The following HERPUD1 variants were observed in gnomAD, a reference collection of about 807,000 sequenced individuals.
HERPUD1 encodes homocysteine-responsive endoplasmic reticulum-resident ubiquitin-like domain member 1 protein.
Under a neutral mutation model 45.0 loss-of-function variants are expected in HERPUD1, and 17 were observed. The ratio of observed to expected loss-of-function variants is 0.38; its 90% CI spans 0.26 to 0.57. The LOEUF is 0.57. HERPUD1 is among the 20% of genes least tolerant of loss of function. HERPUD1 has a pLI of 0.72. For missense variants in HERPUD1, 420 were observed against 490.5 expected (o/e 0.86, Z 1.36); for synonymous variants, 164 against 177.5 (o/e 0.92, Z 0.61).
Position 56,943,826 on chromosome 16 carries a change from G to A in HERPUD1, c.*536G>A, listed in dbSNP as rs2055931081. On this transcript the variant is annotated 3_prime_UTR_variant, in exon 8 of 8. Transcript: ENST00000439977. Reference sequence around the variant, plus strand: ...TTTAAACTAAGGGGAACTTTGCGGAGGTGAAAACCTTTGCTGGGTTTTCTG... The same window carrying A: ...TTTAAACTAAGGGGAACTTTGCGGAAGTGAAAACCTTTGCTGGGTTTTCTG... 2 of 209,068 alleles carry A rather than the reference G, an allele frequency of 9.6e-6. No homozygotes were observed. Among genetic ancestry groups the A allele is most frequent in the East Asian group, 1.5e-4 (2 of 13,356 alleles). 13.0% of individuals were successfully genotyped at this position (209,068 alleles called of 1,614,324 possible).
chr16:56,935,581 T>A (rs1372282145), intron 3 of HERPUD1, 106 bp downstream of exon 3: 1 of 900,658 alleles, frequency 1.1e-6, no homozygotes, highest in Non-Finnish European at 1.8e-6. Context: ...TATGGTGTTA[T>A]TACCAAGTAA....
At chr16:56,932,414 G>T in intron 1 of HERPUD1, 23 bp downstream of exon 1, 1 of 1,532,918 alleles carries the variant, frequency 6.5e-7, no homozygotes, top group Non-Finnish European at 8.7e-7. Flanking sequence ...CCGACTTCCC[G>T]CCCCTAGGCT....
intron 4 of HERPUD1, 120 bp downstream of exon 4, chr16:56,936,937 CT>C: frequency 9.0e-7 from 1 of 1,113,878 alleles, no homozygotes; most frequent in Non-Finnish European, 1.2e-6. Context: ...CAGAATTTTG[CT>C]TTATAAATAG....
intron 4 of HERPUD1, among the ~76,000 whole-genome samples, chr16:56,938,327 G>T (rs1464224576): frequency 3.9e-5 from 6 of 152,146 alleles, no homozygotes; most frequent in African/African-American, 1.4e-4. Context: ...ACTTTGGGAG[G>T]CCAAGGTGGG....
chr16:56,943,213 A>G lies in HERPUD1; in HGVS notation c.1099A>G (p.Met367Val). 1 of 1,614,122 alleles carries G rather than the reference A, an allele frequency of 6.2e-7. No homozygotes were observed. The highest frequency in any genetic ancestry group is 1.1e-5 in the South Asian group (1 of 91,074). ...LDGEQTSPSF[M>V]STAWLVFKTF... ...TGGCGAGCAGACCAGCCCCTCCTTT[A>G]TGAGCACAGCATGGCTTGTCTTCAA... is the stretch of plus-strand genomic sequence containing the variant. Residue 367 changes from methionine (M) to valine (V), a missense_variant, in exon 8 of 8, where the codon ATG (methionine) becomes GTG (valine). Met to Val is a conservative substitution (Grantham distance 21). Coordinates refer to ENST00000439977, the MANE Select transcript of HERPUD1 (RefSeq NM_014685.4).
Position 56,943,148 on chromosome 16 carries a change from A to G in HERPUD1, c.1034A>G (p.Glu345Gly). ...NLQEGTDPET[E>G]DPNHLPPDRD... ...TAGGAAGGCACTGATCCTGAAACTG[A>G]AGACCCCAACCACCTCCCTCCAGAC... is the stretch of plus-strand genomic sequence containing the variant. The change falls in exon 8 of 8, where the codon GAA becomes GGA. Residue 345 changes from glutamate (E) to glycine (G), a missense_variant. Physicochemically the swap from Glu to Gly is moderately conservative, Grantham distance 98. Coordinates refer to ENST00000439977, the MANE Select transcript of HERPUD1 (RefSeq NM_014685.4). The G allele has an allele frequency of 6.2e-7, 1 of 1,614,138 alleles. No individual in the cohort carries two copies. Among genetic ancestry groups the G allele is most frequent in the Non-Finnish European group, 8.5e-7 (1 of 1,179,974 alleles).
rs770161120 is a variant in HERPUD1, at chr16:56,932,238, C to T, written c.-7C>T. On this transcript the variant is annotated 5_prime_UTR_variant, in exon 1 of 8. Transcript: ENST00000439977. ...CGCAGCGGAGCCCCGACACCGCCGC[C>T]GCCGCCATGGAGTCCGAGACCGAAC... The T allele has an allele frequency of 1.2e-6, 2 of 1,606,052 alleles. No individual in the cohort carries two copies. The highest frequency in any genetic ancestry group is 8.5e-7 in the Non-Finnish European group (1 of 1,179,042).
chr16:56,933,676 C>A (rs1462636024), intron 1 of HERPUD1, among the ~76,000 whole-genome samples: 4 of 152,198 alleles, frequency 2.6e-5, no homozygotes, highest in Non-Finnish European at 4.4e-5. Flanking sequence ...ACATACTTAT[C>A]ATTTGTTTTC....
intron 1 of HERPUD1, among the ~76,000 whole-genome samples, chr16:56,934,446 A>C (rs2055849560): frequency 6.6e-6 from 1 of 152,088 alleles, no homozygotes; most frequent in African/African-American, 2.4e-5. Context: ...AATGTCACCC[A>C]CACGCCATCT....
chr16:56,936,655 C>A (rs765992090), intron 3 of HERPUD1, 32 bp from the exon 4 acceptor site: 7 of 1,573,576 alleles, frequency 4.4e-6, no homozygotes, highest in Non-Finnish European at 5.2e-6. Context: ...GCATCAGCTC[C>A]TTTGTTCTGT....
In HERPUD1 at chr16:56,935,252, G is replaced by A; in HGVS notation, c.165G>A (p.Arg55=). 5 of 1,613,720 alleles carry A rather than the reference G, an allele frequency of 3.1e-6. No individual in the cohort carries two copies. Among genetic ancestry groups the A allele is most frequent in the Non-Finnish European group, 3.4e-6 (4 of 1,179,604 alleles). The change falls in exon 2 of 8, where the codon AGG becomes AGA. Residue 55 remains arginine, a synonymous_variant. Transcript: ENST00000439977. Reference sequence around the variant, plus strand: ...ATGATCAGCGTCCAGAGGACCAGAGGTTAATTTATTCTGGGAAGCTGTTGT... The same window carrying A: ...ATGATCAGCGTCCAGAGGACCAGAGATTAATTTATTCTGGGAAGCTGTTGT... ...YPERPRPEDQ[R]LIYSGKLLLD...
intron 3 of HERPUD1, 24 bp downstream of exon 3, chr16:56,935,499 T>C (rs1464521991): frequency 6.3e-7 from 1 of 1,588,222 alleles, no homozygotes; most frequent in Non-Finnish European, 8.6e-7. Context: ...TTCATGATGG[T>C]AACAATTTGT....
intron 1 of HERPUD1, among the ~76,000 whole-genome samples, chr16:56,932,847 A>G (rs2055838049): frequency 6.6e-6 from 1 of 152,218 alleles, no homozygotes. Context: ...ACCCAGAAGC[A>G]GGACGTGGCT....
In HERPUD1 at chr16:56,939,334, T is replaced by G; in HGVS notation, c.529T>G (p.Tyr177Asp). 1.2e-6 allele frequency: 2 copies of G among 1,614,250 alleles called. No individual in the cohort carries two copies. Among genetic ancestry groups the G allele is most frequent in the Non-Finnish European group, 1.7e-6 (2 of 1,180,044 alleles). The change falls in exon 5 of 8, where the codon TAT becomes GAT. Residue 177 changes from tyrosine to aspartate, a missense_variant. Tyr to Asp is a radical substitution (Grantham distance 160). Coordinates refer to ENST00000439977, the MANE Select transcript of HERPUD1 (RefSeq NM_014685.4). ...WLQLSWFQQI[Y>D]ARQYYMQYLA... Reference sequence around the variant, plus strand: ...TCAGCTTTCCTGGTTCCAGCAGATATATGCACGACAGTACTACATGCAATA... The same window carrying G: ...TCAGCTTTCCTGGTTCCAGCAGATAGATGCACGACAGTACTACATGCAATA...
chr16:56,936,733 A>G lies in HERPUD1; in HGVS notation c.347A>G (p.Tyr116Cys). The G allele has an allele frequency of 1.2e-6, 2 of 1,614,024 alleles. No homozygotes were observed. Among genetic ancestry groups the G allele is most frequent in the Non-Finnish European group, 8.5e-7 (1 of 1,179,930 alleles). The change falls in exon 4 of 8, where the codon TAT (tyrosine) becomes TGT (cysteine). Residue 116 changes from tyrosine to cysteine, a missense_variant. Physicochemically the swap from Tyr to Cys is radical, Grantham distance 194 (BLOSUM62 -2). Transcript: ENST00000439977. ...EEPAGSNRGQ[Y>C]PEDSSSDGLR... ...CCTGCTGGTTCTAATCGGGGACAGT[A>G]TCCTGAGGATTCCTCAAGTGATGGT...
At position 56,943,515 on chromosome 16, in the gene HERPUD1, A is replaced by G; in HGVS notation, c.*225A>G. 1 of 600,598 alleles carries G rather than the reference A, an allele frequency of 1.7e-6. No individual in the cohort carries two copies. The highest frequency in any genetic ancestry group is 3.0e-6 in the Non-Finnish European group (1 of 333,234). 37.2% of individuals were successfully genotyped at this position (600,598 alleles called of 1,614,324 possible). A position where few individuals can be genotyped will look rare whatever the true frequency, so the allele number is the denominator to read the frequency against. On this transcript the variant is annotated 3_prime_UTR_variant, in exon 8 of 8. Transcript: ENST00000439977. ...TCATGTCTTTATTCTGAAGAGCTTT[A>G]ATATATACTCTATGTAGTTTAATAA...
Position 56,939,267 on chromosome 16 carries a change from C to A in HERPUD1, c.462C>A (p.Gly154=). Residue 154 remains glycine (G), a synonymous_variant, in exon 5 of 8, where the codon GGC becomes GGA. Coordinates refer to ENST00000439977, the MANE Select transcript of HERPUD1 (RefSeq NM_014685.4). ...RPEAAQQAFQ[G]LGPGFSGYTP... is the part of the protein sequence containing the mutation. The stretch of plus-strand genomic sequence containing the variant: ...AAGCTGCCCAGCAGGCATTCCAAGG[C>A]CTGGGTCCTGGTTTCTCCGGTTACA... 1 of 1,614,198 alleles carries A rather than the reference C, an allele frequency of 6.2e-7. No homozygotes were observed.
chr16:56,938,782 C>T (rs1236618756), intron 4 of HERPUD1, among the ~76,000 whole-genome samples: 1 of 152,072 alleles, frequency 6.6e-6, no homozygotes, highest in Non-Finnish European at 1.5e-5. Context: ...CACATGCACA[C>T]TTCACTATAG....
chr16:56,934,016 C>T (rs570854900), intron 1 of HERPUD1, among the ~76,000 whole-genome samples: 4 of 152,308 alleles, frequency 2.6e-5, no homozygotes, highest in African/African-American at 9.6e-5. Flanking sequence ...TACACAGTGT[C>T]AAAAAGTTCT....
Sources: allele counts gnomAD v4.1 joint callset (sites outside exome capture counted in the v4.1 genomes callset), GRCh38; gene constraint gnomAD v4.1.1; transcripts MANE v1.5; gene names NCBI Gene and HGNC (gene_info 2026-07-23, HGNC 2026-07-21).